Variants in DLG2 observed in about 807,000 individuals in gnomAD.
The protein encoded by DLG2 is discs large MAGUK scaffold protein 2.
In DLG2, 45 loss-of-function variants were observed where a neutral mutation model predicts 132.5. The ratio of observed to expected loss-of-function variants is 0.34; its 90% CI spans 0.27 to 0.44. The LOEUF is 0.44. Ranked by LOEUF, DLG2 falls within the 20% of genes least tolerant of loss-of-function variation. DLG2 has a pLI of 1.00. For synonymous variants in DLG2, 424 were observed against 419.6 expected (o/e 1.01, Z -0.13); for missense variants, 1,045 against 1,196.9 (o/e 0.87, Z 1.87).
intron 6 of DLG2, among the ~76,000 whole-genome samples, chr11:84,815,523 A>C (rs1183969945): frequency 6.6e-6 from 1 of 152,038 alleles, no homozygotes; most frequent in East Asian, 1.9e-4. Context: ...GCAGTAGGTA[A>C]ATCAATATTA....
At chr11:84,707,424 C>G (rs1269855988) in intron 6 of DLG2, among the ~76,000 whole-genome samples, 1 of 151,754 alleles carries the variant, frequency 6.6e-6, no homozygotes, top group Non-Finnish European at 1.5e-5. Flanking sequence ...AAATAACTGA[C>G]ATGGAGGTGT....
intron 18 of DLG2, among the ~76,000 whole-genome samples, chr11:83,650,701 C>T (rs2153516390): frequency 6.6e-6 from 1 of 152,316 alleles, no homozygotes; most frequent in South Asian, 2.1e-4. Context: ...AATTCCACAT[C>T]TAGGCTATTA....
chr11:85,472,427 G>C (rs111324085), intron 3 of DLG2, among the ~76,000 whole-genome samples: 114 of 152,102 alleles, frequency 7.5e-4, no homozygotes, highest in African/African-American at 2.6e-3. Flanking sequence ...TCAGCCTCCC[G>C]AGTAGCTGGG....
At chr11:83,871,776 AT>A (rs2063495369) in intron 16 of DLG2, among the ~76,000 whole-genome samples, 1 of 152,238 alleles carries the variant, frequency 6.6e-6, no homozygotes, top group South Asian at 2.1e-4. Context: ...GAAATATTTC[AT>A]TTTATATCCA....
rs74457988 is a variant in DLG2 at position 83,966,281 on chromosome 11, G to A, written c.1057-813C>T. On this transcript the variant is annotated intron_variant, in intron 12 of 27. Coordinates refer to ENST00000376104, the MANE Select transcript of DLG2 (RefSeq NM_001142699.3). ...AGAGCCCTCATTTCCTTATAGCTTCGCCAAACCTTGATTTTTTCACTTTAA... is the reference window on the plus strand; with the variant it reads ...AGAGCCCTCATTTCCTTATAGCTTCACCAAACCTTGATTTTTTCACTTTAA... Among the ~76,000 whole-genome samples the A allele has an allele frequency of 3.2e-3, 488 of 151,944 alleles. 2 individuals are homozygous for A. Among genetic ancestry groups the A allele is most frequent in the African/African-American group, 0.011 (473 of 41,488 alleles).
At chr11:84,038,690 G>A (rs2095951738) in intron 11 of DLG2, among the ~76,000 whole-genome samples, 1 of 151,942 alleles carries the variant, frequency 6.6e-6, no homozygotes, top group African/African-American at 2.4e-5. Context: ...AAGTCTGTTA[G>A]TCTGTTCTCA....
At chr11:83,757,049 T>C (rs2093678092) in intron 18 of DLG2, among the ~76,000 whole-genome samples, 1 of 152,244 alleles carries the variant, frequency 6.6e-6, no homozygotes, top group Non-Finnish European at 1.5e-5. Flanking sequence ...TCACCTGTCC[T>C]ATTCACCGAG....
At chr11:84,226,389 A>G (rs1445677805) in intron 8 of DLG2, among the ~76,000 whole-genome samples, 1 of 152,202 alleles carries the variant, frequency 6.6e-6, no homozygotes, top group African/African-American at 2.4e-5. Flanking sequence ...CCCTAAAAGT[A>G]GCATGAAGTT....
At chr11:84,092,429 G>A (rs183677715) in intron 10 of DLG2, among the ~76,000 whole-genome samples, 12 of 152,290 alleles carry the variant, frequency 7.9e-5, no homozygotes, top group Non-Finnish European at 7.3e-5. Context: ...GTACCAGTGA[G>A]GAAACTGAAG....
At chr11:85,144,680 A>G (rs1462958080) in intron 5 of DLG2, among the ~76,000 whole-genome samples, 1 of 152,016 alleles carries the variant, frequency 6.6e-6, no homozygotes, top group African/African-American at 2.4e-5. Context: ...GATTTCAGAA[A>G]CAATGCACAA....
intron 7 of DLG2, among the ~76,000 whole-genome samples, chr11:84,501,126 C>G (rs186005845): frequency 6.6e-6 from 1 of 152,180 alleles, no homozygotes; most frequent in African/African-American, 2.4e-5. Flanking sequence ...TTTTTCTACT[C>G]TTATACTTCT....
chr11:84,212,575 C>A (rs774530716), intron 8 of DLG2, among the ~76,000 whole-genome samples: 4 of 152,092 alleles, frequency 2.6e-5, no homozygotes, highest in Admixed American at 6.5e-5. Flanking sequence ...AACAAATAAG[C>A]CTTTGAGTTT....
intron 5 of DLG2, chr11:85,132,681 C>G (rs1331599142): frequency 2.2e-6 from 1 of 455,424 alleles, no homozygotes; most frequent in African/African-American, 2.0e-5. Context: ...CATGAACTGG[C>G]AGCACCTACT....
At chr11:85,494,441 C>T (rs2093627571) in intron 3 of DLG2, among the ~76,000 whole-genome samples, 1 of 151,984 alleles carries the variant, frequency 6.6e-6, no homozygotes, top group Non-Finnish European at 1.5e-5. Context: ...AAAAACAAAA[C>T]CACTATCTTT....
At chr11:84,061,403 A>G (rs927354867) in intron 10 of DLG2, among the ~76,000 whole-genome samples, 1 of 152,178 alleles carries the variant, frequency 6.6e-6, no homozygotes, top group Non-Finnish European at 1.5e-5. Context: ...GATACTCCCT[A>G]TAACTTTGTG....
chr11:83,510,754 G>A (rs1216658298), intron 21 of DLG2, among the ~76,000 whole-genome samples: 1 of 150,966 alleles, frequency 6.6e-6, no homozygotes, highest in African/African-American at 2.4e-5. Flanking sequence ...TCTATGACAA[G>A]CAGGGCCAGT....
chr11:84,754,328 G>T (rs765007709), intron 6 of DLG2, among the ~76,000 whole-genome samples: 9 of 152,102 alleles, frequency 5.9e-5, no homozygotes, highest in Non-Finnish European at 1.2e-4. Flanking sequence ...TATCCTTTAT[G>T]GCATTGAACT....
intron 3 of DLG2, among the ~76,000 whole-genome samples, chr11:85,313,762 T>C (rs1489145586): frequency 1.3e-5 from 2 of 151,970 alleles, no homozygotes; most frequent in Admixed American, 1.3e-4. Context: ...TGTAAAAGTT[T>C]ATGTATCTCT....
chr11:83,921,846 T>C (rs1217412039), intron 15 of DLG2, among the ~76,000 whole-genome samples: 1 of 91,524 alleles, frequency 1.1e-5, no homozygotes, highest in East Asian at 1.1e-3. Context: ...TTATCTCACT[T>C]TTAACTTTTT....
Sources: gnomAD v4.1 joint callset for allele counts (sites outside exome capture counted in the v4.1 genomes callset) on GRCh38, gnomAD v4.1.1 for gene constraint, MANE v1.5 for transcripts, NCBI Gene and HGNC (gene_info 2026-07-23, HGNC 2026-07-21) for gene names.